The following SLC30A9 variants were observed in gnomAD, a reference collection of about 807,000 sequenced individuals.
The protein encoded by SLC30A9 is proton-coupled zinc antiporter SLC30A9, mitochondrial.
Under a neutral mutation model 87.5 loss-of-function variants are expected in SLC30A9, and 58 were observed. The ratio of observed to expected loss-of-function variants is 0.66; its 90% CI spans 0.54 to 0.82. SLC30A9 has a LOEUF of 0.82. SLC30A9 is among the 40% of genes least tolerant of loss of function. The pLI, the probability that SLC30A9 is intolerant of heterozygous loss-of-function variation, is 0.00. For missense variants in SLC30A9, 557 were observed against 679.1 expected (o/e 0.82, Z 2.00); for synonymous variants, 234 against 233.0 (o/e 1.00, Z -0.04).
Position 42,023,959 on chromosome 4 carries a change from G to A in SLC30A9, c.610+575G>A, listed in dbSNP as rs567346925. On this transcript the variant is annotated intron_variant, in intron 6 of 17. Coordinates refer to ENST00000264451, the MANE Select transcript of SLC30A9 (RefSeq NM_006345.4). ...AGTATCATGAGAACAGTATGGGGGA[G>A]ACCATCCCCATGATCCAGTCACCTC... is the stretch of plus-strand genomic sequence containing the variant. Among the ~76,000 whole-genome samples, 16 of 152,190 alleles carry A rather than the reference G, an allele frequency of 1.1e-4. 1 individual carries two copies. The South Asian group carries it at 3.3e-3, about 32-fold the overall frequency.
rs1577691032 is a variant in SLC30A9 at position 42,023,305 on chromosome 4, T to A, written c.531T>A (p.Ser177=). The A allele has an allele frequency of 2.5e-6, 4 of 1,611,998 alleles. No homozygotes were observed. The East Asian group carries it at 8.9e-5, about 36-fold the overall frequency. ...VYLRSDVEAK[S]LEVWGSPEAL... ...GTGACCATGTGTGTATGCACAGATC[T>A]TTGGAAGTTTGGGGAAGCCCTGAAG... is the stretch of plus-strand genomic sequence containing the variant. Residue 177 remains serine, a synonymous_variant, in exon 6 of 18, where the codon TCT becomes TCA. Coordinates refer to ENST00000264451, the MANE Select transcript of SLC30A9 (RefSeq NM_006345.4).
intron 9 of SLC30A9, 21 bp from the exon 10 acceptor site, chr4:42,060,170 T>G (rs1233723236): frequency 1.3e-6 from 2 of 1,588,244 alleles, no homozygotes; most frequent in East Asian, 4.5e-5. Flanking sequence ...ATTATTCACC[T>G]TTTTTTCTTC....
chr4:42,084,504 G>A (rs899681189), intron 17 of SLC30A9, among the ~76,000 whole-genome samples: 4 of 151,280 alleles, frequency 2.6e-5, no homozygotes, highest in Non-Finnish European at 2.9e-5. Flanking sequence ...ATGGAGTCCC[G>A]CTCTGTCGCC....
chr4:42,064,542 G>A (rs1718006263), intron 11 of SLC30A9, among the ~76,000 whole-genome samples: 1 of 152,134 alleles, frequency 6.6e-6, no homozygotes, highest in African/African-American at 2.4e-5. Flanking sequence ...ACAAACAAAT[G>A]TGTTTCCTCC....
chr4:41,992,353 GAAAAGA>G (rs1175825932), intron 1 of SLC30A9, among the ~76,000 whole-genome samples: 1 of 149,798 alleles, frequency 6.7e-6, no homozygotes, highest in Non-Finnish European at 1.5e-5. Flanking sequence ...AAAAAAAAAA[GAAAAGA>G]AAAAGAAAAA....
chr4:42,001,969 C>T (rs568451310), intron 2 of SLC30A9, among the ~76,000 whole-genome samples, 189 bp downstream of exon 2: 49 of 151,886 alleles, frequency 3.2e-4, no homozygotes, highest in Admixed American at 2.2e-3. Flanking sequence ...CAGTTTTCTA[C>T]GAAAAACTAT....
rs191943488 is a variant in SLC30A9 at position 42,046,353 on chromosome 4, A to T, written c.738-3024A>T. On this transcript the variant is annotated intron_variant, in intron 8 of 17. Coordinates refer to ENST00000264451, the MANE Select transcript of SLC30A9 (RefSeq NM_006345.4). ...AGAAAACCCCATAATCTCAGCCCAA[A>T]ATCTCCTTAAGCTGATAAGCAACTT... is the stretch of plus-strand genomic sequence containing the variant. Among the ~76,000 whole-genome samples the T allele has an allele frequency of 1.9e-3, 287 of 152,308 alleles. 1 individual carries two copies. Among genetic ancestry groups the T allele is most frequent in the African/African-American group, 6.6e-3 (274 of 41,552 alleles).
At chr4:42,005,048 C>T (rs926737641) in intron 2 of SLC30A9, among the ~76,000 whole-genome samples, 3 of 152,086 alleles carry the variant, frequency 2.0e-5, no homozygotes, top group Non-Finnish European at 4.4e-5. Context: ...ACATTAGATA[C>T]GTTAAACATA....
chr4:42,023,524 G>A, intron 6 of SLC30A9, 140 bp downstream of exon 6: 3 of 572,948 alleles, frequency 5.2e-6, no homozygotes, highest in Non-Finnish European at 9.4e-6. Context: ...TCCGTTTTGG[G>A]ATTCAATTAT....
chr4:42,013,852 ATCCCAC>A (rs1172774709), intron 2 of SLC30A9, among the ~76,000 whole-genome samples: 1 of 152,230 alleles, frequency 6.6e-6, no homozygotes, highest in Non-Finnish European at 1.5e-5. Flanking sequence ...CTTGAGTTAG[ATCCCAC>A]AAGCACAGGC....
At chr4:42,021,362 C>G (rs1715941991) in intron 4 of SLC30A9, among the ~76,000 whole-genome samples, 1 of 152,068 alleles carries the variant, frequency 6.6e-6, no homozygotes. Flanking sequence ...GAAAGCTGAT[C>G]CATACATTTT....
intron 8 of SLC30A9, among the ~76,000 whole-genome samples, chr4:42,043,752 C>G (rs886498172): frequency 1.3e-5 from 2 of 152,092 alleles, no homozygotes; most frequent in Non-Finnish European, 1.5e-5. Context: ...AGAGCAACCT[C>G]AAGTCACATA....
intron 1 of SLC30A9, among the ~76,000 whole-genome samples, chr4:41,993,121 G>A (rs1714526826): frequency 6.6e-6 from 1 of 151,052 alleles, no homozygotes; most frequent in Non-Finnish European, 1.5e-5. Context: ...TAAAATTAAA[G>A]ATGAATTAAT....
At chr4:42,043,711 A>G (rs1158843889) in intron 8 of SLC30A9, among the ~76,000 whole-genome samples, 1 of 152,344 alleles carries the variant, frequency 6.6e-6, no homozygotes, top group African/African-American at 2.4e-5. Context: ...TTCAGGAAAT[A>G]CAGAGAACAC....
Position 42,078,246 on chromosome 4 carries a change from A to T in SLC30A9, c.1583A>T (p.Glu528Val), listed in dbSNP as rs1718632621. The T allele has an allele frequency of 6.4e-7, 1 of 1,573,196 alleles. No individual in the cohort carries two copies. The highest frequency in any genetic ancestry group is 1.8e-5 in the Admixed American group (1 of 55,048). Residue 528 changes from glutamate to valine, a missense_variant, in exon 17 of 18, where the codon GAG becomes GTG. Transcript: ENST00000264451. ...GAAGTGAAAACTCCTGAAGAACTAG[A>T]GACCTTTATGCTTAAACATGGAGAA... The part of the protein sequence containing the change: ...IQEVKTPEEL[E>V]TFMLKHGENI...
chr4:42,071,406 G>A lies in SLC30A9; in HGVS notation c.1418+715G>A, dbSNP rs145881649. On this transcript the variant is annotated intron_variant, in intron 15 of 17. Transcript: ENST00000264451. ...AAGTTAAATCTTTTTAAAATGACCC[G>A]TATATCTGAATTAGTAAAATATATT... 4.0e-3 allele frequency among the ~76,000 whole-genome samples: 615 copies of A among 151,934 alleles called. 1 individual carries two copies. The highest frequency in any genetic ancestry group is 6.2e-3 in the Non-Finnish European group (421 of 67,972).
chr4:42,024,746 T>G (rs1374864400), intron 6 of SLC30A9, among the ~76,000 whole-genome samples: 1 of 152,196 alleles, frequency 6.6e-6, no homozygotes, highest in African/African-American at 2.4e-5. Context: ...GATTTTAACT[T>G]TTTTGTGTAT....
At position 42,060,196 on chromosome 4, in the gene SLC30A9, A is replaced by T. The variant is rs759507930; in HGVS notation, c.846A>T (p.Leu282Phe). The T allele has an allele frequency of 2.0e-5, 33 of 1,610,470 alleles. No homozygotes were observed. Among genetic ancestry groups the T allele is most frequent in the Non-Finnish European group, 2.5e-5 (29 of 1,177,276 alleles). The change falls in exon 10 of 18, where the codon TTA becomes TTT. Residue 282 changes from leucine (L) to phenylalanine (F), a missense_variant. By Grantham distance (22) the Leu-to-Phe change is conservative. Around this residue, in one of 2 missense-constraint regions of SLC30A9, gnomAD observed 467 missense variants for 529.8 expected, o/e 0.88. Transcript: ENST00000264451. ...TTTTTTCTTCTTCTTCATAGGGTTT[A>T]CTAGCATTGGGCATCAGTAAGTCTG... ...HSLSDTCNQG[L>F]LALGISKSVQ...
intron 1 of SLC30A9, among the ~76,000 whole-genome samples, chr4:42,001,375 A>T (rs1336253763): frequency 2.0e-5 from 3 of 152,028 alleles, no homozygotes; most frequent in Non-Finnish European, 4.4e-5. Context: ...ATTATGTACT[A>T]TATACCTTTC....
Sources: gnomAD v4.1 joint callset for allele counts (sites outside exome capture counted in the v4.1 genomes callset) on GRCh38, gnomAD v4.1.1 for gene constraint, gnomAD v4.1.1 regional missense constraint, MANE v1.5 for transcripts, NCBI Gene and HGNC (gene_info 2026-07-23, HGNC 2026-07-21) for gene names.